GMDS: variants seen among roughly 807,000 people sequenced by gnomAD.
GMDS encodes GDP-mannose 4,6-dehydratase.
GMDS carries 20 observed loss-of-function variants against 49.9 expected under a neutral mutation model. That is an observed-to-expected ratio of 0.40 (90% CI 0.28 to 0.58). GMDS has a LOEUF of 0.58. Among genes scored for constraint, GMDS ranks in the 20% least tolerant of loss-of-function variants. The probability of loss-of-function intolerance (pLI) is 0.42; values close to 1 mark genes in which losing one functional copy is unlikely to be tolerated. For missense variants in GMDS, 362 were observed against 481.4 expected (o/e 0.75, Z 2.32); for synonymous variants, 177 against 178.6 (o/e 0.99, Z 0.07).
intron 7 of GMDS, among the ~76,000 whole-genome samples, chr6:1,916,561 G>A (rs1761412263): frequency 6.6e-6 from 1 of 152,062 alleles, no homozygotes. Context: ...ACGAAAAAGG[G>A]AGGGAGAGAA....
chr6:1,664,339 C>CCT (rs1158258957), intron 9 of GMDS, among the ~76,000 whole-genome samples: 1 of 152,174 alleles, frequency 6.6e-6, no homozygotes. Flanking sequence ...CTCTCTGGAC[C>CCT]CTCTCACCTG....
intron 7 of GMDS, among the ~76,000 whole-genome samples, chr6:1,882,299 CT>C (rs1442014817): frequency 6.6e-6 from 1 of 152,088 alleles, no homozygotes; most frequent in African/African-American, 2.4e-5. Flanking sequence ...ATTTAATTGG[CT>C]TTTTAAAATG....
chr6:2,204,136 C>T (rs1779678811), intron 1 of GMDS, among the ~76,000 whole-genome samples: 1 of 152,218 alleles, frequency 6.6e-6, no homozygotes, highest in South Asian at 2.1e-4. Flanking sequence ...ATTTTCTCTA[C>T]ATGCCAAGTA....
intron 4 of GMDS, among the ~76,000 whole-genome samples, chr6:2,086,902 T>A (rs905900176): frequency 9.8e-5 from 15 of 152,326 alleles, no homozygotes; most frequent in African/African-American, 3.6e-4. Flanking sequence ...AGCTCTGAAA[T>A]ATTTGTCTGT....
chr6:1,887,765 G>A (rs2113834606), intron 7 of GMDS, among the ~76,000 whole-genome samples: 1 of 152,196 alleles, frequency 6.6e-6, no homozygotes, highest in Non-Finnish European at 1.5e-5. Context: ...TCGGTTCCAG[G>A]ACCTCCTGCA....
chr6:1,717,387 A>T (rs1443177519), intron 9 of GMDS: 1 of 152,372 alleles, frequency 6.6e-6, no homozygotes, highest in Admixed American at 6.5e-5. Context: ...AGATAAAAGC[A>T]GATGATAGCC....
chr6:2,211,494 T>C (rs542904432), intron 1 of GMDS, among the ~76,000 whole-genome samples: 133 of 152,344 alleles, frequency 8.7e-4, no homozygotes, highest in Non-Finnish European at 1.5e-3. Flanking sequence ...TAGATAAGAC[T>C]AATTAATAGT....
intron 4 of GMDS, among the ~76,000 whole-genome samples, chr6:2,060,846 C>A (rs1771106013): frequency 6.6e-6 from 1 of 151,894 alleles, no homozygotes; most frequent in Non-Finnish European, 1.5e-5. Flanking sequence ...ATGGTGAAAC[C>A]CTGTCTCTAC....
intron 9 of GMDS, among the ~76,000 whole-genome samples, chr6:1,684,007 T>G (rs577523065): frequency 2.1e-4 from 14 of 65,130 alleles, no homozygotes; most frequent in East Asian, 7.2e-4. Flanking sequence ...TGAGGGTGGG[T>G]TTTGCCATCG....
chr6:1,712,769 T>TAA (rs1298668655), intron 9 of GMDS, among the ~76,000 whole-genome samples: 1 of 148,582 alleles, frequency 6.7e-6, no homozygotes, highest in African/African-American at 2.5e-5. Flanking sequence ...TTGAATTCTT[T>TAA]AAAAAAAAAA....
At chr6:1,999,980 A>ATATATTTT (rs1189385904) in intron 4 of GMDS, among the ~76,000 whole-genome samples, 11 of 18,716 alleles carry the variant, frequency 5.9e-4, no homozygotes, top group Non-Finnish European at 1.1e-3. Flanking sequence ...TTATATATAT[A>ATATATTTT]TTTTATATAT....
At chr6:2,199,483 T>C (rs926021397) in intron 1 of GMDS, among the ~76,000 whole-genome samples, 2 of 152,156 alleles carry the variant, frequency 1.3e-5, no homozygotes, top group African/African-American at 4.8e-5. Context: ...TTCAAATGCC[T>C]CCACTCTCTG....
chr6:2,208,932 C>T (rs1254177894), intron 1 of GMDS, among the ~76,000 whole-genome samples: 1 of 151,476 alleles, frequency 6.6e-6, no homozygotes, highest in Non-Finnish European at 1.5e-5. Context: ...CTGACCCAAG[C>T]TGTCCTGTCC....
intron 7 of GMDS, among the ~76,000 whole-genome samples, chr6:1,771,223 C>T (rs1768564716): frequency 1.3e-5 from 2 of 152,184 alleles, no homozygotes; most frequent in African/African-American, 4.8e-5. Context: ...AAATCATATT[C>T]AGTTCCAGAT....
intron 7 of GMDS, among the ~76,000 whole-genome samples, chr6:1,858,667 T>C (rs1056375851): frequency 1.2e-4 from 18 of 152,130 alleles, no homozygotes; most frequent in Admixed American, 1.2e-3. Flanking sequence ...AAATGTTTAT[T>C]TCTGACACCG....
chr6:2,096,342 T>C (rs536937651), intron 4 of GMDS, among the ~76,000 whole-genome samples: 23 of 152,338 alleles, frequency 1.5e-4, no homozygotes, highest in Non-Finnish European at 3.1e-4. Flanking sequence ...CTATATTTTA[T>C]GATTTCCAAG....
intron 1 of GMDS, among the ~76,000 whole-genome samples, chr6:2,129,183 G>C (rs1775602090): frequency 6.6e-6 from 1 of 152,058 alleles, no homozygotes; most frequent in Admixed American, 6.5e-5. Flanking sequence ...ACTATGAAAA[G>C]CTGAAAGAAA....
At chr6:1,884,562 A>G (rs1759511071) in intron 7 of GMDS, among the ~76,000 whole-genome samples, 1 of 152,246 alleles carries the variant, frequency 6.6e-6, no homozygotes, top group Admixed American at 6.5e-5. Flanking sequence ...AACATAACAC[A>G]GTCCACAGGC....
At chr6:1,831,652 C>A (rs1372299384) in intron 7 of GMDS, among the ~76,000 whole-genome samples, 2 of 152,318 alleles carry the variant, frequency 1.3e-5, no homozygotes, top group Admixed American at 6.5e-5. Context: ...ATATTCCTAA[C>A]CTTTTTAGGT....
Sources: allele counts gnomAD v4.1 joint callset (sites outside exome capture counted in the v4.1 genomes callset), GRCh38; gene constraint gnomAD v4.1.1; transcripts MANE v1.5; gene names NCBI Gene and HGNC (gene_info 2026-07-23, HGNC 2026-07-21).